Variants in CELF2 observed in about 807,000 individuals in gnomAD.
CELF2 encodes CUG triplet repeat RNA-binding protein 2.
CELF2 carries 8 observed loss-of-function variants against 62.6 expected under a neutral mutation model. The ratio of observed to expected loss-of-function variants is 0.13; its 90% CI spans 0.07 to 0.23. The LOEUF (loss-of-function observed/expected upper bound fraction) is 0.23. Among genes scored for constraint, CELF2 ranks in the 10% least tolerant of loss-of-function variants. The pLI, the probability that CELF2 is intolerant of heterozygous loss-of-function variation, is 1.00. For synonymous variants in CELF2, 258 were observed against 250.0 expected (o/e 1.03, Z -0.30); for missense variants, 333 against 671.0 (o/e 0.50, Z 5.56).
chr10:10,919,995 C>T, exon 2 of CELF2: 11 of 1,231,474 alleles, frequency 8.9e-6, no homozygotes, highest in Non-Finnish European at 1.1e-5. Context: ...TGGGAGTCTA[C>T]CAAGGTGAGC....
Position 11,314,052 on chromosome 10 carries a change from A to C in CELF2, c.977-87A>C. On this transcript the variant is annotated intron_variant, in intron 9 of 12. Transcript: ENST00000633077. This position sits in a 1 kb window ranked among gnomAD's most constrained non-coding sequence, Gnocchi z 5.3. ...CAAGCACAGCTCCTCAGCTCCGTCC[A>C]CTGAGATGATGACAGAAGGATTTCC... 1.5e-6 allele frequency: 2 copies of C among 1,359,742 alleles called. No homozygotes were observed. The highest frequency in any genetic ancestry group is 2.1e-6 in the Non-Finnish European group (2 of 973,532). The allele number at this position is 1,359,742 out of a possible 1,614,324, so 84.2% of individuals were successfully genotyped here. A position where few individuals can be genotyped will look rare whatever the true frequency, so the allele number is the denominator to read the frequency against.
the CELF2 span, among the ~76,000 whole-genome samples, chr10:10,670,339 A>T: frequency 6.6e-6 from 1 of 152,250 alleles, no homozygotes; most frequent in Non-Finnish European, 1.5e-5. Flanking sequence ...CAAACATCAA[A>T]CAAAACATAA....
At chr10:11,261,389 C>G (rs919721453) in intron 5 of CELF2, among the ~76,000 whole-genome samples, 20 of 149,702 alleles carry the variant, frequency 1.3e-4, no homozygotes, top group Admixed American at 8.6e-4. Context: ...CCCATCAAGT[C>G]GTGCTATACT....
the CELF2 span, among the ~76,000 whole-genome samples, chr10:10,476,445 A>G: frequency 6.6e-6 from 1 of 152,152 alleles, no homozygotes; most frequent in African/African-American, 2.4e-5. Flanking sequence ...ATCTGCTGGG[A>G]CAAGGGATTT....
At chr10:11,295,057 C>T (rs1358912086) in intron 9 of CELF2, among the ~76,000 whole-genome samples, 1 of 152,238 alleles carries the variant, frequency 6.6e-6, no homozygotes, top group Non-Finnish European at 1.5e-5. Flanking sequence ...CTGCAAGTTT[C>T]AACATTTTAC....
intron 2 of CELF2, among the ~76,000 whole-genome samples, chr10:11,212,338 C>A (rs143970332): frequency 3.3e-5 from 5 of 152,046 alleles, no homozygotes; most frequent in Non-Finnish European, 5.9e-5. Flanking sequence ...CCTGTGAGGC[C>A]CCCCCGGGCC....
At chr10:11,099,096 G>A (rs767251778) in intron 1 of CELF2, among the ~76,000 whole-genome samples, 14 of 152,180 alleles carry the variant, frequency 9.2e-5, no homozygotes, top group Non-Finnish European at 2.9e-5. Flanking sequence ...CATCTTTCAG[G>A]ACCAGCAAAA....
the CELF2 span, among the ~76,000 whole-genome samples, chr10:10,722,744 G>T: frequency 6.6e-6 from 1 of 152,200 alleles, no homozygotes; most frequent in Non-Finnish European, 1.5e-5. Context: ...AGCCAGGGGT[G>T]ATGGGAAAAA....
At chr10:11,234,182 A>G (rs1047542443) in intron 3 of CELF2, among the ~76,000 whole-genome samples, 18 of 152,164 alleles carry the variant, frequency 1.2e-4, no homozygotes, top group East Asian at 1.9e-4. Flanking sequence ...ACATGGTTCA[A>G]TTTATCCTGT....
At chr10:10,653,965 C>T in the CELF2 span, among the ~76,000 whole-genome samples, 14 of 151,472 alleles carry the variant, frequency 9.2e-5, no homozygotes, top group African/African-American at 1.9e-4. Context: ...ATTGATAGAC[C>T]GCTAGCAAGA....
rs1012805769 is a variant in CELF2 at position 11,324,720 on chromosome 10, A to G, written c.1295-1116A>G. On this transcript the variant is annotated intron_variant, in intron 11 of 12. Transcript: ENST00000633077. This position sits in a 1 kb window ranked among gnomAD's most constrained non-coding sequence, Gnocchi z 4.7. ...AAGAAGCTTGGTTTGACATTTTTAC[A>G]AAGTTCTTTTTATCCCCATTTTACT... Among the ~76,000 whole-genome samples, 13 of 152,180 alleles carry G rather than the reference A, an allele frequency of 8.5e-5. No individual in the cohort carries two copies. Among genetic ancestry groups the G allele is most frequent in the African/African-American group, 2.9e-4 (12 of 41,424 alleles).
At chr10:11,190,847 A>C (rs1482623582) in intron 2 of CELF2, among the ~76,000 whole-genome samples, 1 of 149,004 alleles carries the variant, frequency 6.7e-6, no homozygotes, top group Non-Finnish European at 1.5e-5. Context: ...GAGCAGTCAA[A>C]TTCAGAAAGA....
the CELF2 span, among the ~76,000 whole-genome samples, chr10:10,611,999 G>C: frequency 6.6e-6 from 1 of 152,118 alleles, no homozygotes; most frequent in Admixed American, 6.6e-5. Context: ...GTTAAATTTA[G>C]GAGAAAGAGG....
intron 1 of CELF2, among the ~76,000 whole-genome samples, chr10:11,111,655 G>C (rs968229840): frequency 3.9e-5 from 6 of 152,096 alleles, no homozygotes; most frequent in Admixed American, 1.3e-4. Flanking sequence ...CATAGGCAAC[G>C]TGCCCTATGT....
chr10:10,905,528 G>A (rs1241969411), intron 1 of CELF2, among the ~76,000 whole-genome samples: 1 of 150,612 alleles, frequency 6.6e-6, no homozygotes, highest in Non-Finnish European at 1.5e-5. Context: ...AGGTTCACTT[G>A]AGGCCAGGAG....
chr10:11,069,307 A>T (rs1297600674), intron 1 of CELF2, among the ~76,000 whole-genome samples: 1 of 152,240 alleles, frequency 6.6e-6, no homozygotes, highest in Non-Finnish European at 1.5e-5. Flanking sequence ...GATTCAGAAG[A>T]TAAATGCCAA....
the CELF2 span, among the ~76,000 whole-genome samples, chr10:10,640,877 G>A: frequency 6.6e-6 from 1 of 152,160 alleles, no homozygotes; most frequent in Non-Finnish European, 1.5e-5. Context: ...ACAATGGATG[G>A]AAACTCCATT....
At chr10:10,651,027 G>C in the CELF2 span, among the ~76,000 whole-genome samples, 639 of 152,068 alleles carry the variant, frequency 4.2e-3, 4 homozygotes, top group African/African-American at 0.015. Flanking sequence ...CCGTGCGCGA[G>C]CCGAAGCAGG....
chr10:11,086,837 A>G (rs774239251), intron 1 of CELF2, among the ~76,000 whole-genome samples: 6 of 152,194 alleles, frequency 3.9e-5, no homozygotes, highest in Non-Finnish European at 8.8e-5. Context: ...ATATATTTCT[A>G]CACATTCCAG....
Sources: gnomAD v4.1 joint callset for allele counts (sites outside exome capture counted in the v4.1 genomes callset) on GRCh38, gnomAD v4.1.1 for gene constraint, Gnocchi (gnomAD v3.1) non-coding constraint, MANE v1.5 for transcripts, NCBI Gene and HGNC (gene_info 2026-07-23, HGNC 2026-07-21) for gene names.